The following SGK3 variants were observed in gnomAD, a reference collection of about 807,000 sequenced individuals.
SGK3 encodes the protein serine/threonine-protein kinase Sgk3.
SGK3 carries 47 observed loss-of-function variants against 68.5 expected under a neutral mutation model. The observed-to-expected ratio is 0.69, with a 90% CI of 0.54 to 0.87. The LOEUF is 0.87. Among genes scored for constraint, SGK3 ranks in the 40% least tolerant of loss-of-function variants. The pLI, the probability that SGK3 is intolerant of heterozygous loss-of-function variation, is 0.00. For synonymous variants in SGK3, 181 were observed against 189.1 expected, an observed-to-expected ratio of 0.96 and a Z score of 0.35; for missense variants, 479 against 575.5, an observed-to-expected ratio of 0.83 and a Z score of 1.72.
At chr8:66,715,582 G>T (rs1804610335) in intron 1 of SGK3, among the ~76,000 whole-genome samples, 1 of 152,138 alleles carries the variant, frequency 6.6e-6, no homozygotes, top group South Asian at 2.1e-4. Context: ...AAACTACTTA[G>T]ATTTATGATC....
At chr8:66,741,464 T>A (rs1805477368) in intron 1 of SGK3, among the ~76,000 whole-genome samples, 1 of 151,910 alleles carries the variant, frequency 6.6e-6, no homozygotes, top group Non-Finnish European at 1.5e-5. Context: ...GCATGAGAAT[T>A]GCTTGAACCT....
At chr8:66,774,910 G>A (rs1354156028) in intron 1 of SGK3, among the ~76,000 whole-genome samples, 1 of 152,178 alleles carries the variant, frequency 6.6e-6, no homozygotes, top group African/African-American at 2.4e-5. Context: ...CTACACTTTA[G>A]CGGGAACCTG....
At chr8:66,819,537 G>A (rs534303490) in intron 5 of SGK3, among the ~76,000 whole-genome samples, 3 of 152,244 alleles carry the variant, frequency 2.0e-5, no homozygotes, top group African/African-American at 7.2e-5. Context: ...TCTATCAAAA[G>A]TGATTGTTTA....
At chr8:66,832,379 G>A (rs903732793) in intron 8 of SGK3, among the ~76,000 whole-genome samples, 1 of 152,066 alleles carries the variant, frequency 6.6e-6, no homozygotes, top group Non-Finnish European at 1.5e-5. Context: ...TATATTTGTA[G>A]CTTTTGGTAA....
intron 13 of SGK3, among the ~76,000 whole-genome samples, chr8:66,842,085 TC>T (rs1809819494): frequency 6.6e-6 from 1 of 152,198 alleles, no homozygotes. Flanking sequence ...GGTTTTTCCT[TC>T]TTTTTTCTGT....
chr8:66,723,404 A>G (rs1329610844), intron 1 of SGK3, among the ~76,000 whole-genome samples: 2 of 151,486 alleles, frequency 1.3e-5, no homozygotes, highest in Non-Finnish European at 2.9e-5. Context: ...AGATCACGCC[A>G]TTGCACTCCA....
At chr8:66,807,706 T>C (rs1050969057) in intron 4 of SGK3, among the ~76,000 whole-genome samples, 2 of 152,138 alleles carry the variant, frequency 1.3e-5, no homozygotes, top group Non-Finnish European at 2.9e-5. Flanking sequence ...TTACAATCCA[T>C]GTTGAGGGGA....
chr8:66,804,988 A>G (rs1808092055), intron 4 of SGK3, among the ~76,000 whole-genome samples: 1 of 151,688 alleles, frequency 6.6e-6, no homozygotes, highest in Non-Finnish European at 1.5e-5. Flanking sequence ...CTGAGGCGAG[A>G]GGATAGCTTG....
chr8:66,859,719 A>G lies in SGK3; in HGVS notation c.*138A>G, dbSNP rs959859977. 2 of 1,043,858 alleles carry G rather than the reference A, an allele frequency of 1.9e-6. No individual in the cohort carries two copies. Among genetic ancestry groups the G allele is most frequent in the African/African-American group, 1.6e-5 (1 of 62,054 alleles). 64.7% of individuals were successfully genotyped at this position (1,043,858 alleles called of 1,614,324 possible). On this transcript the variant is annotated 3_prime_UTR_variant, in exon 17 of 17. Transcript: ENST00000521198. ...AATGATGAAAACTATGAAAAAATGT[A>G]TTTTCTTCTATGTGCAAGAAAAATA...
At chr8:66,796,998 T>C (rs1005640903) in intron 2 of SGK3, among the ~76,000 whole-genome samples, 2 of 152,200 alleles carry the variant, frequency 1.3e-5, no homozygotes, top group African/African-American at 4.8e-5. Flanking sequence ...TTTTTTGTTT[T>C]TGTCTACTGT....
intron 1 of SGK3, among the ~76,000 whole-genome samples, chr8:66,769,730 G>GTTA (rs143005082): frequency 1.1e-4 from 16 of 151,434 alleles, no homozygotes; most frequent in South Asian, 4.2e-4. Flanking sequence ...TATTACTATT[G>GTTA]TTATTATTAT....
intron 1 of SGK3, among the ~76,000 whole-genome samples, chr8:66,776,638 C>T (rs1453354039): frequency 6.6e-6 from 1 of 152,196 alleles, no homozygotes; most frequent in African/African-American, 2.4e-5. Flanking sequence ...AGTATAAAAT[C>T]AAATGATGAT....
chr8:66,739,733 A>T lies in SGK3; in HGVS notation c.-122+26900A>T, dbSNP rs570578162. 5.3e-5 allele frequency among the ~76,000 whole-genome samples: 8 copies of T among 152,282 alleles called. No homozygotes were observed. The South Asian group carries it at 1.7e-3, about 32-fold the overall frequency. On this transcript the variant is annotated intron_variant, in intron 1 of 16. Coordinates refer to ENST00000521198, the MANE Select transcript of SGK3 (RefSeq NM_001033578.3). ...TTTATAAAGGAAAGAGGTTTAATTG[A>T]CTCACAGTTCAGCATGGCTGGGAGG...
In SGK3 at chr8:66,736,676, A is replaced by G. The variant is rs186668054; in HGVS notation, c.-122+23843A>G. Among the ~76,000 whole-genome samples, 17 of 151,218 alleles carry G rather than the reference A, an allele frequency of 1.1e-4. No homozygotes were observed. The East Asian group carries it at 1.2e-3, about 10-fold the overall frequency. Reference sequence around the variant, plus strand: ...CTCTTATTGCCAAGGCTGGAGTGCAATGGCGCAATCTCAGCTCACCACAAC... The same window carrying G: ...CTCTTATTGCCAAGGCTGGAGTGCAGTGGCGCAATCTCAGCTCACCACAAC... On this transcript the variant is annotated intron_variant, in intron 1 of 16. Coordinates refer to ENST00000521198, the MANE Select transcript of SGK3 (RefSeq NM_001033578.3).
At chr8:66,781,243 T>G (rs1222091632) in intron 1 of SGK3, among the ~76,000 whole-genome samples, 1 of 152,208 alleles carries the variant, frequency 6.6e-6, no homozygotes, top group African/African-American at 2.4e-5. Context: ...TAGGACAGCC[T>G]TGCTGCCACT....
chr8:66,808,958 C>T (rs1161046733), intron 4 of SGK3, among the ~76,000 whole-genome samples: 1 of 152,032 alleles, frequency 6.6e-6, no homozygotes, highest in Non-Finnish European at 1.5e-5. Flanking sequence ...CAACCTCCAC[C>T]TCCCCAGTTC....
intron 1 of SGK3, among the ~76,000 whole-genome samples, chr8:66,713,192 A>C (rs1307466515): frequency 1.3e-5 from 2 of 152,334 alleles, no homozygotes; most frequent in Admixed American, 1.3e-4. Flanking sequence ...GGCAGCCGCC[A>C]GAGTGGGGTG....
chr8:66,836,005 T>C lies in SGK3; in HGVS notation c.672T>C (p.Val224=), dbSNP rs1809513349. The C allele has an allele frequency of 6.2e-7, 1 of 1,613,852 alleles. No individual in the cohort carries two copies. The highest frequency in any genetic ancestry group is 2.2e-5 in the East Asian group (1 of 44,788). Residue 224 remains valine (V), a synonymous_variant, in exon 10 of 17, where the codon GTT becomes GTC. Transcript: ENST00000521198. ...LLKNVKHPFL[V]GLHYSFQTTE... is the part of the protein sequence containing the mutation. ...AAAATGTGAAACATCCGTTTTTGGT[T>C]GGATTGCATTATTCCTTCCAAACAA...
At chr8:66,852,277 CTTT>C (rs1204346785) in intron 16 of SGK3, among the ~76,000 whole-genome samples, 91 of 107,188 alleles carry the variant, frequency 8.5e-4, no homozygotes, top group African/African-American at 2.9e-3. Flanking sequence ...TTAAGGAATC[CTTT>C]TTTTTTTTTT....
Sources: allele counts gnomAD v4.1 joint callset (sites outside exome capture counted in the v4.1 genomes callset), GRCh38; gene constraint gnomAD v4.1.1; transcripts MANE v1.5; gene names NCBI Gene and HGNC (gene_info 2026-07-23, HGNC 2026-07-21).